Variants in MARF1 observed in about 807,000 individuals in gnomAD.
The protein encoded by MARF1 is limkain-b1.
MARF1 carries 24 observed loss-of-function variants against 168.2 expected under a neutral mutation model. The observed-to-expected ratio is 0.14, with a 90% CI of 0.10 to 0.20. The LOEUF is 0.20. MARF1 is among the 10% of genes least tolerant of loss of function. The probability of loss-of-function intolerance (pLI) is 1.00; values close to 1 mark genes in which losing one functional copy is unlikely to be tolerated. For synonymous variants in MARF1, 868 were observed against 822.4 expected, an observed-to-expected ratio of 1.06 and a Z score of -0.95; for missense variants, 1,744 against 2,143.6, an observed-to-expected ratio of 0.81 and a Z score of 3.68.
At chr16:15,612,853 T>G in intron 16 of MARF1, 76 bp from the exon 17 acceptor site, 1 of 1,248,220 alleles carries the variant, frequency 8.0e-7, no homozygotes, top group Non-Finnish European at 1.2e-6. Context: ...GGCCCTGCAG[T>G]CCCTGGCTTG....
In MARF1 at chr16:15,594,555, G is replaced by A. The variant is rs182015721; in HGVS notation, c.*2138C>T. On this transcript the variant is annotated 3_prime_UTR_variant, in exon 27 of 27. Coordinates refer to ENST00000396368, the MANE Select transcript of MARF1 (RefSeq NM_014647.4). ...GCAAGATGGGAAAGGGGGTTTTGGT[G>A]ATAACTTTTGTCATTTTTTTAAACA... 1.3e-5 allele frequency: 2 copies of A among 152,666 alleles called. No homozygotes were observed. The highest frequency in any genetic ancestry group is 1.3e-4 in the Admixed American group (2 of 15,292). 9.5% of individuals were successfully genotyped at this position (152,666 alleles called of 1,614,324 possible). A position where few individuals can be genotyped will look rare whatever the true frequency, so the allele number is the denominator to read the frequency against.
rs1243911534 is a variant in MARF1 at position 15,620,443 on chromosome 16, T to C, written c.2720+8A>G. The C allele has an allele frequency of 1.3e-6, 2 of 1,591,124 alleles. No individual in the cohort carries two copies. The highest frequency in any genetic ancestry group is 2.7e-5 in the African/African-American group (2 of 74,284). On this transcript the variant is annotated splice_region_variant and intron_variant, in intron 13 of 26. Coordinates refer to ENST00000396368, the MANE Select transcript of MARF1 (RefSeq NM_014647.4). The stretch of plus-strand genomic sequence containing the variant: ...TGACTGGATAAAGAAAAAATATACC[T>C]AACTTACTTTTTTTCATAGATATCT...
At chr16:15,623,575 C>A (rs2151201796) in intron 10 of MARF1, among the ~76,000 whole-genome samples, 1 of 152,184 alleles carries the variant, frequency 6.6e-6, no homozygotes, top group Non-Finnish European at 1.5e-5. Context: ...GCCACTGTGC[C>A]CAGCTGTGTT....
At chr16:15,607,729 A>C (rs1167306752) in intron 21 of MARF1, among the ~76,000 whole-genome samples, 2 of 151,902 alleles carry the variant, frequency 1.3e-5, no homozygotes, top group Non-Finnish European at 2.9e-5. Context: ...GTGGGGGAGG[A>C]GGCCGAAAAC....
At chr16:15,620,667 C>A in intron 12 of MARF1, 136 bp from the exon 13 acceptor site, 1 of 587,986 alleles carries the variant, frequency 1.7e-6, no homozygotes, top group Non-Finnish European at 3.0e-6. Context: ...ATGTATTTTC[C>A]AGAAAAATTT....
In MARF1 at chr16:15,604,125, A is replaced by G. The variant is rs781778542; in HGVS notation, c.4413+43T>C. ...CAGGTAATCCGGAAATGCCCAATCG[A>G]TAGTTTTCAATGATAGTTCTAAAGA... On this transcript the variant is annotated intron_variant, in intron 22 of 26. Coordinates refer to ENST00000396368, the MANE Select transcript of MARF1 (RefSeq NM_014647.4). 5 of 1,427,554 alleles carry G rather than the reference A, an allele frequency of 3.5e-6. No homozygotes were observed. The South Asian group carries it at 4.6e-5, about 13-fold the overall frequency. The allele number at this position is 1,427,554 out of a possible 1,614,324, so 88.4% of individuals were successfully genotyped here.
intron 18 of MARF1, 129 bp from the exon 19 acceptor site, chr16:15,611,237 T>C: frequency 1.2e-6 from 1 of 831,028 alleles, no homozygotes; most frequent in Non-Finnish European, 1.9e-6. Flanking sequence ...GGTGGACGGA[T>C]CACGAGGTCA....
chr16:15,606,302 C>T (rs936669144), intron 21 of MARF1, among the ~76,000 whole-genome samples: 2 of 152,120 alleles, frequency 1.3e-5, no homozygotes, highest in Non-Finnish European at 2.9e-5. Context: ...TTCGCTCATC[C>T]CATGCCTTTT....
intron 1 of MARF1, chr16:15,642,549 G>C (rs1162854158): frequency 6.6e-6 from 1 of 152,226 alleles, no homozygotes; most frequent in Non-Finnish European, 1.5e-5. Context: ...GGTGTATCAC[G>C]AGGTCGCGTT....
At chr16:15,601,594 C>A in intron 23 of MARF1, 1 of 294,388 alleles carries the variant, frequency 3.4e-6, no homozygotes, top group Non-Finnish European at 6.5e-6. Flanking sequence ...CCCTCCTTGT[C>A]ACGTGCTTCC....
chr16:15,600,387 G>A (rs555074800), intron 25 of MARF1, 41 bp downstream of exon 25: 4 of 1,612,688 alleles, frequency 2.5e-6, no homozygotes, highest in African/African-American at 1.3e-5. Context: ...GTTTCTCCTA[G>A]AATTTCACAA....
chr16:15,616,798 T>C (rs962820685), intron 15 of MARF1: 2 of 448,334 alleles, frequency 4.5e-6, no homozygotes, highest in South Asian at 7.4e-5. Flanking sequence ...CAATGGTATT[T>C]GTGTATCTAA....
chr16:15,630,281 C>A, intron 7 of MARF1, 51 bp downstream of exon 7: 1 of 1,535,808 alleles, frequency 6.5e-7, no homozygotes, highest in Non-Finnish European at 8.9e-7. Context: ...TGTCTTTCAG[C>A]CTCCACAATG....
At chr16:15,611,811 G>A (rs543897973) in intron 17 of MARF1, 77 bp from the exon 18 acceptor site, 11 of 1,238,006 alleles carry the variant, frequency 8.9e-6, no homozygotes, top group South Asian at 4.0e-5. Context: ...TCACCCTCTC[G>A]TTACTAGCCT....
intron 1 of MARF1, among the ~76,000 whole-genome samples, chr16:15,642,099 C>T (rs1409948192): frequency 6.6e-6 from 1 of 152,124 alleles, no homozygotes. Context: ...TAGAAACCAC[C>T]TTACAAGGCC....
chr16:15,608,453 A>C lies in MARF1; in HGVS notation c.4020T>G (p.Ala1340=), dbSNP rs1012731547. The C allele has an allele frequency of 3.2e-5, 52 of 1,614,102 alleles. No individual in the cohort carries two copies. The highest frequency in any genetic ancestry group is 3.3e-4 in the Middle Eastern group (2 of 6,084). The change falls in exon 21 of 27, where the codon GCT becomes GCG. Residue 1340 remains alanine (A), a synonymous_variant. Coordinates refer to ENST00000396368, the MANE Select transcript of MARF1 (RefSeq NM_014647.4). The stretch of plus-strand genomic sequence containing the variant: ...ACCGAAGGAGTTTAACAAACTGGGC[A>C]GCTAGAGCTTTGAACCGCTCCACCT... The part of the protein sequence containing the change: ...LTEVERFKAL[A]AQFVKLLRSQ...
intron 26 of MARF1, among the ~76,000 whole-genome samples, chr16:15,597,250 G>A (rs1018644462): frequency 1.3e-5 from 2 of 152,166 alleles, no homozygotes; most frequent in Admixed American, 1.3e-4. Flanking sequence ...CATTCATTCT[G>A]CCTGCCAGAT....
intron 12 of MARF1, 30 bp from the exon 13 acceptor site, chr16:15,620,561 G>C: frequency 1.4e-6 from 2 of 1,395,628 alleles, no homozygotes; most frequent in Non-Finnish European, 2.0e-6. Context: ...TTAGGGAACA[G>C]ACCATTTCCT....
At chr16:15,613,769 C>T (rs2151128440) in intron 16 of MARF1, among the ~76,000 whole-genome samples, 1 of 152,122 alleles carries the variant, frequency 6.6e-6, no homozygotes, top group African/African-American at 2.4e-5. Flanking sequence ...TAATCTATGG[C>T]CCCTGAGAAG....
Sources: allele counts gnomAD v4.1 joint callset (sites outside exome capture counted in the v4.1 genomes callset), GRCh38; gene constraint gnomAD v4.1.1; transcripts MANE v1.5; gene names NCBI Gene and HGNC (gene_info 2026-07-23, HGNC 2026-07-21).